The following CDH13 variants were observed in gnomAD, a reference collection of about 807,000 sequenced individuals.
The protein encoded by CDH13 is cadherin-13.
Under a neutral mutation model 63.8 loss-of-function variants are expected in CDH13, and 24 were observed. The ratio of observed to expected loss-of-function variants is 0.38; its 90% CI spans 0.27 to 0.53. The LOEUF (loss-of-function observed/expected upper bound fraction) is 0.53, where lower values mean the gene tolerates loss of function less well. Among genes scored for constraint, CDH13 ranks in the 20% least tolerant of loss-of-function variants. The pLI, the probability that CDH13 is intolerant of heterozygous loss-of-function variation, is 0.85. For synonymous variants in CDH13, 503 were observed against 355.3 expected, an observed-to-expected ratio of 1.42 and a Z score of -4.67; for missense variants, 1,049 against 903.1, an observed-to-expected ratio of 1.16 and a Z score of -2.07.
Position 83,794,939 on chromosome 16 carries a change from C to G in CDH13, c.2135-84C>G, listed in dbSNP as rs3743617. 272,893 of 1,243,196 alleles carry G rather than the reference C, an allele frequency of 0.22. 37,372 individuals are homozygous for G. Among genetic ancestry groups the G allele is most frequent in the East Asian group, 0.65 (26,088 of 39,886 alleles). 77.0% of individuals were successfully genotyped at this position (1,243,196 alleles called of 1,614,324 possible). The stretch of plus-strand genomic sequence containing the variant: ...TTTAAAATGTGTTTATTATACCTTG[C>G]CTGTCATTTTTCTGGCTTTTAGCTA... On this transcript the variant is annotated intron_variant, in intron 13 of 13. Transcript: ENST00000567109.
chr16:83,677,630 C>T (rs187834170), intron 9 of CDH13, among the ~76,000 whole-genome samples: 7 of 152,316 alleles, frequency 4.6e-5, no homozygotes, highest in Admixed American at 3.3e-4. Context: ...CATAGAGACC[C>T]TTTAACTTCA....
intron 3 of CDH13, among the ~76,000 whole-genome samples, chr16:83,066,716 C>A (rs75476784): frequency 6.6e-6 from 1 of 152,144 alleles, no homozygotes; most frequent in Non-Finnish European, 1.5e-5. Context: ...AATTCTCGCC[C>A]GGTGTGAAGT....
intron 6 of CDH13, among the ~76,000 whole-genome samples, chr16:83,366,378 G>T (rs1413248936): frequency 6.6e-6 from 1 of 152,158 alleles, no homozygotes; most frequent in East Asian, 1.9e-4. Flanking sequence ...TCATTACCAC[G>T]AACCGTCTTT....
chr16:82,820,270 A>G (rs2037941007), intron 1 of CDH13, among the ~76,000 whole-genome samples: 1 of 152,180 alleles, frequency 6.6e-6, no homozygotes, highest in Non-Finnish European at 1.5e-5. Context: ...CTGGCACACA[A>G]TGGGTACTGA....
At chr16:82,788,755 C>T (rs982124002) in intron 1 of CDH13, among the ~76,000 whole-genome samples, 1 of 152,214 alleles carries the variant, frequency 6.6e-6, no homozygotes, top group African/African-American at 2.4e-5. Flanking sequence ...TAGAGTGCCA[C>T]ATGACAAAGA....
intron 4 of CDH13, among the ~76,000 whole-genome samples, chr16:83,211,504 T>G (rs942164817): frequency 2.6e-5 from 4 of 152,226 alleles, no homozygotes; most frequent in Non-Finnish European, 5.9e-5. Flanking sequence ...TGAGTTCATA[T>G]GTATGCAAAT....
chr16:83,178,221 G>C (rs1034039589), intron 4 of CDH13, among the ~76,000 whole-genome samples: 1 of 152,224 alleles, frequency 6.6e-6, no homozygotes, highest in East Asian at 1.9e-4. Flanking sequence ...GTGGGAGGCC[G>C]TCCTGTGCTT....
At chr16:82,951,233 T>C (rs1192516374) in intron 2 of CDH13, among the ~76,000 whole-genome samples, 3 of 152,048 alleles carry the variant, frequency 2.0e-5, no homozygotes, top group Admixed American at 2.0e-4. Context: ...CAAGAGGATA[T>C]CTCCTTCCCC....
At chr16:83,389,997 T>A (rs1046122744) in intron 6 of CDH13, among the ~76,000 whole-genome samples, 2 of 152,160 alleles carry the variant, frequency 1.3e-5, no homozygotes. Context: ...AAAGTCAACT[T>A]GGTTGGAAGG....
intron 2 of CDH13, chr16:82,858,712 C>T (rs1378853781): frequency 1.7e-6 from 1 of 594,304 alleles, no homozygotes; most frequent in Non-Finnish European, 3.0e-6. Context: ...CTCCATACTG[C>T]TGTCAGAAAA....
chr16:83,536,426 A>G (rs1717079539), intron 7 of CDH13, among the ~76,000 whole-genome samples: 1 of 152,104 alleles, frequency 6.6e-6, no homozygotes, highest in African/African-American at 2.4e-5. Context: ...GTGTTAACTG[A>G]GCAAGAATGG....
chr16:83,223,051 G>T (rs886846478), intron 5 of CDH13, among the ~76,000 whole-genome samples: 1 of 118,460 alleles, frequency 8.4e-6, no homozygotes, highest in Non-Finnish European at 1.8e-5. Context: ...GATATTGCCA[G>T]TTGTCCTATA....
At chr16:83,205,911 A>T (rs1336021682) in intron 4 of CDH13, among the ~76,000 whole-genome samples, 1 of 152,102 alleles carries the variant, frequency 6.6e-6, no homozygotes, top group Non-Finnish European at 1.5e-5. Flanking sequence ...CCAAAGGAAA[A>T]CATCTTATTC....
chr16:83,251,793 C>T (rs1298707917), intron 5 of CDH13, among the ~76,000 whole-genome samples: 2 of 152,114 alleles, frequency 1.3e-5, no homozygotes, highest in Admixed American at 1.3e-4. Context: ...TCAGGCAACC[C>T]AAAATCAGGG....
intron 1 of CDH13, among the ~76,000 whole-genome samples, chr16:82,781,959 G>C (rs1326310210): frequency 6.6e-6 from 1 of 152,234 alleles, no homozygotes; most frequent in Admixed American, 6.5e-5. Context: ...AGGATTCAAA[G>C]AAGGAGGCAC....
At position 83,500,297 on chromosome 16, in the gene CDH13, C is replaced by T. The variant is rs867270704; in HGVS notation, c.960+13642C>T. On this transcript the variant is annotated intron_variant, in intron 7 of 13. Transcript: ENST00000567109. ...TCTTCTTCTTCTTCTTCTTCTTCTC[C>T]TTCTCCTTCTCCTTCTCCTTCTCCT... 0.015 allele frequency among the ~76,000 whole-genome samples: 14 copies of T among 942 alleles called. 2 individuals carry two copies. In the Non-Finnish European group the frequency reaches 0.15, roughly 10 times the overall value. 0.6% of individuals were successfully genotyped at this position (942 alleles called of 152,430 possible). A position where few individuals can be genotyped will look rare whatever the true frequency, so the allele number is the denominator to read the frequency against.
intron 8 of CDH13, among the ~76,000 whole-genome samples, chr16:83,623,590 G>A (rs150506563): frequency 6.6e-6 from 1 of 152,114 alleles, no homozygotes; most frequent in Admixed American, 6.5e-5. Context: ...CTACAAATAG[G>A]AACAGGTGTC....
intron 10 of CDH13, among the ~76,000 whole-genome samples, chr16:83,722,536 C>A (rs977328898): frequency 1.3e-5 from 2 of 152,194 alleles, no homozygotes; most frequent in African/African-American, 4.8e-5. Context: ...CAAGCTTTCC[C>A]CACCTCCAGA....
intron 3 of CDH13, among the ~76,000 whole-genome samples, chr16:83,060,966 A>G (rs1440524356): frequency 2.6e-5 from 4 of 152,160 alleles, no homozygotes; most frequent in East Asian, 1.9e-4. Context: ...CTCAATGGCT[A>G]ATGACTCTCA....
Sources: allele counts gnomAD v4.1 joint callset (sites outside exome capture counted in the v4.1 genomes callset), GRCh38; gene constraint gnomAD v4.1.1; transcripts MANE v1.5; gene names NCBI Gene and HGNC (gene_info 2026-07-23, HGNC 2026-07-21).